The following NPAS2 variants were observed in gnomAD, a reference collection of about 807,000 sequenced individuals.
The protein encoded by NPAS2 is neuronal PAS domain protein 2.
NPAS2 carries 23 observed loss-of-function variants against 107.5 expected under a neutral mutation model. The ratio of observed to expected loss-of-function variants is 0.21; its 90% CI spans 0.15 to 0.30. The LOEUF is 0.30. Among genes scored for constraint, NPAS2 ranks in the 10% least tolerant of loss-of-function variants. The pLI is 1.00. For missense variants in NPAS2, 756 were observed against 1,043.3 expected, an observed-to-expected ratio of 0.72 and a Z score of 3.79; for synonymous variants, 403 against 417.5, an observed-to-expected ratio of 0.97 and a Z score of 0.42.
At chr2:100,881,310 G>A (rs931508073) in intron 1 of NPAS2, among the ~76,000 whole-genome samples, 23 of 152,210 alleles carry the variant, frequency 1.5e-4, no homozygotes, top group Non-Finnish European at 2.5e-4. Flanking sequence ...GGAATGCAGC[G>A]TCTCCCCTCC....
chr2:100,825,502 C>T (rs72968180), intron 1 of NPAS2, among the ~76,000 whole-genome samples: 4,521 of 152,202 alleles, frequency 0.03, 232 homozygotes, highest in African/African-American at 0.1. Context: ...AAAAAAAATT[C>T]CCTTCATCCT....
At chr2:100,878,620 C>G (rs945219514) in intron 1 of NPAS2, 7 of 985,260 alleles carry the variant, frequency 7.1e-6, no homozygotes, top group Non-Finnish European at 8.4e-6. Flanking sequence ...CAGCTATCTG[C>G]TAACAGAATC....
rs1558877408 is a variant in NPAS2, at chr2:100,925,218, G to C, written c.105G>C (p.Met35Ile). Reference protein sequence around the residue: ...FNVLIKELSSMLPGNTRKMDK... With the variant: ...FNVLIKELSSILPGNTRKMDK... ...TTCTCATCAAAGAGCTCAGTTCCATGCTCCCTGGCAACACGCGGAAAATGG... is the reference window on the plus strand; with the variant it reads ...TTCTCATCAAAGAGCTCAGTTCCATCCTCCCTGGCAACACGCGGAAAATGG... Residue 35 changes from methionine to isoleucine, a missense_variant, in exon 3 of 21, where the codon ATG (methionine) becomes ATC (isoleucine). Met to Ile is a conservative substitution (Grantham distance 10). Transcript: ENST00000335681. 1 of 1,614,034 alleles carries C rather than the reference G, an allele frequency of 6.2e-7. No homozygotes were observed. Among genetic ancestry groups the C allele is most frequent in the African/African-American group, 1.3e-5 (1 of 74,920 alleles).
intron 3 of NPAS2, among the ~76,000 whole-genome samples, chr2:100,931,556 G>C (rs1683963500): frequency 6.9e-6 from 1 of 144,572 alleles, no homozygotes; most frequent in Admixed American, 7.3e-5. Flanking sequence ...GTGCGATCTT[G>C]GCTCACTGCA....
At chr2:100,923,209 G>A (rs1683346869) in intron 2 of NPAS2, among the ~76,000 whole-genome samples, 1 of 152,138 alleles carries the variant, frequency 6.6e-6, no homozygotes, top group African/African-American at 2.4e-5. Flanking sequence ...GCTCGGCGAG[G>A]GACAGGGCCT....
chr2:100,952,795 C>T (rs1467846673), intron 7 of NPAS2, among the ~76,000 whole-genome samples: 1 of 149,022 alleles, frequency 6.7e-6, no homozygotes, highest in African/African-American at 2.5e-5. Flanking sequence ...TCTACTTTCA[C>T]TATGGGTTGA....
intron 1 of NPAS2, among the ~76,000 whole-genome samples, chr2:100,879,562 A>T (rs2164319): frequency 0.92 from 140,645 of 152,084 alleles, 65,313 homozygotes; most frequent in East Asian, 1. Context: ...CTGTTTTTTT[A>T]ATTCCGCATG....
Position 100,982,223 on chromosome 2 carries a change from C to A in NPAS2, c.1483-8C>A. 2 of 1,613,702 alleles carry A rather than the reference C, an allele frequency of 1.2e-6. No homozygotes were observed. The highest frequency in any genetic ancestry group is 1.7e-5 in the Admixed American group (1 of 59,868). ...CATCTGATTATGTTTTTCGGCTCCA[C>A]CTTGAAGTTTTCGGCACAGTTCAGC... On this transcript the variant is annotated splice_region_variant and splice_polypyrimidine_tract_variant and intron_variant, in intron 15 of 20. Coordinates refer to ENST00000335681, the MANE Select transcript of NPAS2 (RefSeq NM_002518.4).
chr2:100,933,487 A>G (rs995319895), intron 4 of NPAS2, among the ~76,000 whole-genome samples: 6 of 152,178 alleles, frequency 3.9e-5, no homozygotes, highest in Non-Finnish European at 8.8e-5. Context: ...TGGCATACAG[A>G]TATCAGCCAC....
chr2:100,993,154 C>T (rs1678234386), intron 19 of NPAS2, among the ~76,000 whole-genome samples, 193 bp from the exon 20 acceptor site: 1 of 152,076 alleles, frequency 6.6e-6, no homozygotes, highest in South Asian at 2.1e-4. Flanking sequence ...AGGCTGATCT[C>T]GATCTCCTGA....
chr2:100,847,333 G>A (rs1384940774), intron 1 of NPAS2: 2 of 151,980 alleles, frequency 1.3e-5, no homozygotes, highest in African/African-American at 4.8e-5. Context: ...GGTTAAAATT[G>A]TGCACTTTAG....
rs80234430 is a variant in NPAS2 at position 100,915,364 on chromosome 2, G to A, written c.33-9782G>A. Reference sequence around the variant, plus strand: ...AAATAGAGCCAGCTTTCTGGCCAACGGAACAGAAAGGGAGCCTGGGAACCA... The same window carrying A: ...AAATAGAGCCAGCTTTCTGGCCAACAGAACAGAAAGGGAGCCTGGGAACCA... On this transcript the variant is annotated intron_variant, in intron 2 of 20. Transcript: ENST00000335681. Among the ~76,000 whole-genome samples the A allele has an allele frequency of 9.2e-3, 1,405 of 152,252 alleles. 16 individuals are homozygous for A. The highest frequency in any genetic ancestry group is 0.032 in the African/African-American group (1,323 of 41,544).
intron 13 of NPAS2, 73 bp downstream of exon 13, chr2:100,975,017 G>C: frequency 4.6e-6 from 7 of 1,535,936 alleles, no homozygotes; most frequent in Non-Finnish European, 6.2e-6. Flanking sequence ...AGAGGGTCCC[G>C]GGCCCAAGTG....
At chr2:100,967,962 A>G (rs953020601) in intron 10 of NPAS2, among the ~76,000 whole-genome samples, 1 of 152,160 alleles carries the variant, frequency 6.6e-6, no homozygotes, top group Non-Finnish European at 1.5e-5. Context: ...CTGCGGCGGG[A>G]GGATGAGCAC....
chr2:100,894,514 A>G (rs1201070362), intron 1 of NPAS2, among the ~76,000 whole-genome samples: 3 of 152,296 alleles, frequency 2.0e-5, no homozygotes, highest in Non-Finnish European at 4.4e-5. Context: ...ACTACTTCCC[A>G]TTCACTTAGG....
At chr2:100,849,513 C>T (rs1678010539) in intron 1 of NPAS2, among the ~76,000 whole-genome samples, 1 of 152,132 alleles carries the variant, frequency 6.6e-6, no homozygotes, top group African/African-American at 2.4e-5. Context: ...CCAGGTAGAT[C>T]ATTCCTGGGC....
chr2:100,882,083 T>G (rs1680386076), intron 1 of NPAS2, among the ~76,000 whole-genome samples: 1 of 152,258 alleles, frequency 6.6e-6, no homozygotes, highest in Non-Finnish European at 1.5e-5. Flanking sequence ...GCTTTTCCCT[T>G]TCTTTTTTCA....
At chr2:100,963,125 A>G (rs890038410) in intron 7 of NPAS2, among the ~76,000 whole-genome samples, 2 of 152,208 alleles carry the variant, frequency 1.3e-5, no homozygotes, top group Non-Finnish European at 2.9e-5. Flanking sequence ...TGACCCCTAA[A>G]TCCTGAGCCC....
chr2:100,819,168 A>G (rs1243883108), upstream of NPAS2, among the ~76,000 whole-genome samples: 4 of 150,702 alleles, frequency 2.7e-5, no homozygotes, highest in Non-Finnish European at 4.4e-5. The surrounding 1 kb of genome is among the most constrained non-coding windows in gnomAD (Gnocchi z 5.8). Context: ...AAAAAAGGTC[A>G]CGTATGTTTG....
Sources: allele counts gnomAD v4.1 joint callset (sites outside exome capture counted in the v4.1 genomes callset), GRCh38; gene constraint gnomAD v4.1.1; non-coding constraint Gnocchi (gnomAD v3.1); transcripts MANE v1.5; gene names NCBI Gene and HGNC (gene_info 2026-07-23, HGNC 2026-07-21).